Variants in FTCD observed in about 807,000 individuals in gnomAD.
The protein encoded by FTCD is formimidoyltransferase-cyclodeaminase.
A neutral mutation model predicts 62.9 loss-of-function variants in FTCD; 76 were observed. The ratio of observed to expected loss-of-function variants is 1.21; its 90% CI spans 1.00 to 1.46. The LOEUF (loss-of-function observed/expected upper bound fraction) is 1.46, where lower values mean the gene tolerates loss of function less well. FTCD is among the 40% of genes most tolerant of loss of function. The pLI, the probability that FTCD is intolerant of heterozygous loss-of-function variation, is 0.00. For missense variants in FTCD, 845 were observed against 751.3 expected (o/e 1.12, Z -1.46); for synonymous variants, 397 against 336.9 (o/e 1.18, Z -1.95).
chr21:46,137,625 C>CATCCCCT (rs1176027016), intron 12 of FTCD, among the ~76,000 whole-genome samples: 1 of 151,590 alleles, frequency 6.6e-6, no homozygotes, highest in Non-Finnish European at 1.5e-5. Context: ...GAGACAAAGT[C>CATCCCCT]ATCCCCTGGA....
At chr21:46,155,396 C>A in intron 1 of FTCD, 74 bp downstream of exon 1, 1 of 1,261,378 alleles carries the variant, frequency 7.9e-7, no homozygotes, top group South Asian at 1.2e-5. Flanking sequence ...CCACCACCTC[C>A]TCCATGGCCT....
At chr21:46,144,600 CCTCT>C (rs553679959) in intron 10 of FTCD, among the ~76,000 whole-genome samples, 1 of 1,444 alleles carries the variant, frequency 6.9e-4, no homozygotes, top group Non-Finnish European at 1.6e-3. Context: ...CCTCCCTCTC[CCTCT>C]CTCTCTGTCT....
intron 12 of FTCD, 152 bp from the exon 13 acceptor site, chr21:46,137,486 C>A: frequency 1.4e-6 from 1 of 712,078 alleles, no homozygotes; most frequent in East Asian, 2.6e-5. Context: ...CCACAGAGGG[C>A]TAAGCCCCAC....
At chr21:46,149,516 C>T (rs2079218049) in intron 7 of FTCD, among the ~76,000 whole-genome samples, 2 of 152,200 alleles carry the variant, frequency 1.3e-5, no homozygotes, top group African/African-American at 4.8e-5. Context: ...GCGAAAAACA[C>T]ACCTAAAACA....
Position 46,154,234 on chromosome 21 carries a change from G to T in FTCD, c.153C>A (p.Phe51Leu), listed in dbSNP as rs779166982. The part of the protein sequence containing the change: ...GPSTNRTVYT[F>L]VGPPECVVEG... ...CCACCACGCACTCCGGCGGCCCCAC[G>T]AAGGTGTACACGGTGCGGTTGGTGG... The change falls in exon 2 of 14, where the codon TTC (phenylalanine) becomes TTA (leucine). Residue 51 changes from phenylalanine to leucine, a missense_variant. By Grantham distance (22) the Phe-to-Leu change is conservative. Transcript: ENST00000397746. The T allele has an allele frequency of 1.9e-5, 30 of 1,612,682 alleles. No homozygotes were observed. In the South Asian group the frequency reaches 3.2e-4, roughly 17 times the overall value.
At chr21:46,152,783 C>A in intron 3 of FTCD, 124 bp downstream of exon 3, 1 of 836,800 alleles carries the variant, frequency 1.2e-6, no homozygotes, top group Non-Finnish European at 1.8e-6. Flanking sequence ...TGCATGTTGG[C>A]TTTTTGGAAC....
intron 1 of FTCD, 101 bp downstream of exon 1, chr21:46,155,369 G>C: frequency 1.0e-6 from 1 of 1,001,690 alleles, no homozygotes; most frequent in Non-Finnish European, 1.6e-6. Context: ...CTGGGAAGAC[G>C]ACCCGGGACA....
rs562037547 is a variant in FTCD at position 46,137,089 on chromosome 21, A to G, written c.1540-16T>C. On this transcript the variant is annotated splice_polypyrimidine_tract_variant and intron_variant, in intron 13 of 13. Coordinates refer to ENST00000397746, the MANE Select transcript of FTCD (RefSeq NM_206965.2). The stretch of plus-strand genomic sequence containing the variant: ...GATGGTGGATCTGATGGACACAGGG[A>G]AAGAGGGGTCTGGTAGTTCCAGTCT... 5.9e-5 allele frequency: 95 copies of G among 1,611,490 alleles called. 1 individual carries two copies. In the South Asian group the frequency reaches 7.5e-4, roughly 13 times the overall value.
chr21:46,147,708 G>A (rs2123542508), intron 7 of FTCD, among the ~76,000 whole-genome samples: 1 of 152,118 alleles, frequency 6.6e-6, no homozygotes, highest in Middle Eastern at 3.4e-3. Context: ...GGAGGCTGAG[G>A]CGGACGGATC....
At chr21:46,151,864 C>A in intron 4 of FTCD, 28 bp downstream of exon 4, 1 of 1,555,348 alleles carries the variant, frequency 6.4e-7, no homozygotes, top group Non-Finnish European at 8.7e-7. Flanking sequence ...ACCTCCTTCC[C>A]AGGCCCGACC....
intron 12 of FTCD, among the ~76,000 whole-genome samples, chr21:46,138,001 A>G (rs2123478002): frequency 6.6e-6 from 1 of 152,258 alleles, no homozygotes; most frequent in Non-Finnish European, 1.5e-5. Flanking sequence ...TGCTCAAGCA[A>G]TTCTCCTGCC....
rs148687566 is a variant in FTCD at position 46,139,913 on chromosome 21, G to A, written c.1261-990C>T. 6.5e-4 allele frequency among the ~76,000 whole-genome samples: 99 copies of A among 152,292 alleles called. 1 individual carries two copies. Among genetic ancestry groups the A allele is most frequent in the African/African-American group, 2.3e-3 (94 of 41,568 alleles). ...GCCTTGCGGTGTCCATGGTCTCCCT[G>A]GGCAGATCTTGGCCAAGGGTGTGCT... On this transcript the variant is annotated intron_variant, in intron 10 of 13. Coordinates refer to ENST00000397746, the MANE Select transcript of FTCD (RefSeq NM_206965.2).
downstream of FTCD, chr21:46,136,768 C>T (rs1035830597): frequency 5.6e-5 from 84 of 1,504,130 alleles, no homozygotes; most frequent in Non-Finnish European, 6.4e-5. Context: ...ACCGCCAACA[C>T]ACAACACAGG....
At chr21:46,148,240 G>A (rs980438347) in intron 7 of FTCD, among the ~76,000 whole-genome samples, 6 of 152,200 alleles carry the variant, frequency 3.9e-5, no homozygotes, top group Admixed American at 2.0e-4. Context: ...GGCAAGTGAC[G>A]GGTCCACGTC....
chr21:46,145,306 C>G, intron 10 of FTCD, 111 bp downstream of exon 10: 1 of 900,164 alleles, frequency 1.1e-6, no homozygotes, highest in Non-Finnish European at 1.7e-6. Context: ...TCAGGCCCCT[C>G]CTGGTCCCCA....
chr21:46,152,894 G>A lies in FTCD; in HGVS notation c.367+13C>T, dbSNP rs886057175. On this transcript the variant is annotated intron_variant, in intron 3 of 13. Coordinates refer to ENST00000397746, the MANE Select transcript of FTCD (RefSeq NM_206965.2). ...ACGGGAGCAGAGTGAGGGGGGCGGG[G>A]GGGCACGCTCACCTGGCACGTCCAG... 2.6e-6 allele frequency: 4 copies of A among 1,567,438 alleles called. No individual in the cohort carries two copies. The highest frequency in any genetic ancestry group is 1.7e-4 in the Middle Eastern group (1 of 5,992).
rs1423918311 is a variant in FTCD, at chr21:46,151,806, A to G, written c.457-69T>C. On this transcript the variant is annotated intron_variant, in intron 4 of 13. Coordinates refer to ENST00000397746, the MANE Select transcript of FTCD (RefSeq NM_206965.2). ...GGAACAGCCCCCCGGGGTCCCGGGA[A>G]GGAGGGGCCCGGCCCAGCCACCCCA... The G allele has an allele frequency of 1.2e-5, 19 of 1,590,354 alleles. No homozygotes were observed. In the Admixed American group the frequency reaches 1.4e-4, roughly 12 times the overall value.
Position 46,150,541 on chromosome 21 carries a change from GT to G in FTCD, c.637-17del, listed in dbSNP as rs761939127. On this transcript the variant is annotated splice_polypyrimidine_tract_variant and intron_variant, in intron 5 of 13. Coordinates refer to ENST00000397746, the MANE Select transcript of FTCD (RefSeq NM_206965.2). ...GACGTCCTGGCTGCAAAGGAAGAGC[GT>G]TCCCCAGCCTGGACTAGGAAGCTCA... is the stretch of plus-strand genomic sequence containing the variant. 3 of 1,612,694 alleles carry G rather than the reference GT, an allele frequency of 1.9e-6. No individual in the cohort carries two copies. In the South Asian group the frequency reaches 3.3e-5, roughly 18 times the overall value.
At chr21:46,140,099 TTA>T (rs1271403275) in intron 10 of FTCD, among the ~76,000 whole-genome samples, 1 of 151,154 alleles carries the variant, frequency 6.6e-6, no homozygotes, top group Non-Finnish European at 1.5e-5. Context: ...AGATATCTCC[TTA>T]TGTTTTTCAA....
Sources: allele counts gnomAD v4.1 joint callset (sites outside exome capture counted in the v4.1 genomes callset), GRCh38; gene constraint gnomAD v4.1.1; transcripts MANE v1.5; gene names NCBI Gene and HGNC (gene_info 2026-07-23, HGNC 2026-07-21).